The following SLC20A2 variants were observed in gnomAD, a reference collection of about 807,000 sequenced individuals.
SLC20A2 encodes sodium-dependent phosphate transporter 2.
SLC20A2 carries 30 observed loss-of-function variants against 61.0 expected under a neutral mutation model. The observed-to-expected ratio is 0.49, with a 90% CI of 0.37 to 0.67. The LOEUF (loss-of-function observed/expected upper bound fraction) is 0.67, where lower values mean the gene tolerates loss of function less well. Among genes scored for constraint, SLC20A2 ranks in the 30% least tolerant of loss-of-function variants. The pLI, the probability that SLC20A2 is intolerant of heterozygous loss-of-function variation, is 0.00. For missense variants in SLC20A2, 626 were observed against 866.4 expected (o/e 0.72, Z 3.48); for synonymous variants, 351 against 353.3 (o/e 0.99, Z 0.07).
chr8:42,483,466 T>A (rs1586170003), intron 1 of SLC20A2, among the ~76,000 whole-genome samples: 1 of 152,216 alleles, frequency 6.6e-6, no homozygotes, highest in South Asian at 2.1e-4. Flanking sequence ...CCACTGGAAA[T>A]GTGGACTCCC....
intron 1 of SLC20A2, among the ~76,000 whole-genome samples, chr8:42,526,348 G>A (rs1243458714): frequency 6.6e-6 from 1 of 151,242 alleles, no homozygotes; most frequent in African/African-American, 2.4e-5. Context: ...AAACTGTCAA[G>A]GTCATTTAAA....
chr8:42,426,423 C>T (rs375575967), intron 10 of SLC20A2, among the ~76,000 whole-genome samples: 207 of 152,246 alleles, frequency 1.4e-3, no homozygotes, highest in African/African-American at 4.6e-3. Flanking sequence ...AGGCCAGGCA[C>T]GGTGGCTCAC....
chr8:42,452,434 A>C (rs181063459), intron 5 of SLC20A2, among the ~76,000 whole-genome samples: 4 of 146,942 alleles, frequency 2.7e-5, no homozygotes, highest in African/African-American at 1.0e-4. Flanking sequence ...GAGGAGGAAG[A>C]GATGAAGAGG....
intron 5 of SLC20A2, among the ~76,000 whole-genome samples, chr8:42,452,083 AGAG>A (rs1266329537): frequency 1.6e-5 from 2 of 123,832 alleles, no homozygotes; most frequent in Non-Finnish European, 3.4e-5. Flanking sequence ...GAAGAGATGA[AGAG>A]GAGGAGGAAG....
At chr8:42,479,511 AAAG>A (rs1213803066) in intron 1 of SLC20A2, among the ~76,000 whole-genome samples, 4 of 152,090 alleles carry the variant, frequency 2.6e-5, no homozygotes, top group African/African-American at 4.8e-5. Flanking sequence ...AAAAAAAAAA[AAAG>A]TAGTTATCTT....
chr8:42,433,241 C>T (rs759265393), intron 8 of SLC20A2, among the ~76,000 whole-genome samples: 57 of 152,324 alleles, frequency 3.7e-4, no homozygotes, highest in African/African-American at 4.3e-4. Flanking sequence ...TGCCCCTCCC[C>T]GCAGCTAATG....
intron 3 of SLC20A2, among the ~76,000 whole-genome samples, chr8:42,464,083 C>T: frequency 1.7e-5 from 1 of 58,170 alleles, no homozygotes; most frequent in Non-Finnish European, 4.4e-5. Context: ...AAAGGGCAGG[C>T]TGGATGATCT....
At chr8:42,519,542 C>A (rs932071090) in intron 1 of SLC20A2, among the ~76,000 whole-genome samples, 1 of 151,976 alleles carries the variant, frequency 6.6e-6, no homozygotes, top group Non-Finnish European at 1.5e-5. Flanking sequence ...TTTAAAGCTA[C>A]CTAGATATTT....
chr8:42,426,462 G>A (rs1484670911), intron 10 of SLC20A2, among the ~76,000 whole-genome samples: 2 of 152,186 alleles, frequency 1.3e-5, no homozygotes, highest in African/African-American at 4.8e-5. Context: ...TTGGGAGGCT[G>A]AGGCAGGCAG....
At chr8:42,463,985 C>T (rs1806910801) in intron 3 of SLC20A2, among the ~76,000 whole-genome samples, 1 of 151,108 alleles carries the variant, frequency 6.6e-6, no homozygotes, top group African/African-American at 2.4e-5. Flanking sequence ...ACTTGTTAGA[C>T]ACCTGATAAT....
In SLC20A2 at chr8:42,489,891, G is replaced by A. The variant is rs149854300; in HGVS notation, c.-265+11140C>T. On this transcript the variant is annotated intron_variant, in intron 1 of 10. Coordinates refer to ENST00000520262, the MANE Select transcript of SLC20A2 (RefSeq NM_001257180.2). The stretch of plus-strand genomic sequence containing the variant: ...GCTCAAGAGTGGCCTTCGGGGAGCT[G>A]GAGTTATTCTGTATCCTGTTTGTGT... 2.4e-3 allele frequency among the ~76,000 whole-genome samples: 368 copies of A among 152,332 alleles called. 1 individual carries two copies. The highest frequency in any genetic ancestry group is 8.5e-3 in the African/African-American group (354 of 41,560).
intron 1 of SLC20A2, among the ~76,000 whole-genome samples, chr8:42,523,695 T>G (rs1398610815): frequency 6.6e-6 from 1 of 152,228 alleles, no homozygotes. Context: ...GAAGTCATCT[T>G]CTTAAAAACA....
intron 1 of SLC20A2, among the ~76,000 whole-genome samples, chr8:42,514,309 T>C (rs1811194978): frequency 6.6e-6 from 1 of 152,094 alleles, no homozygotes; most frequent in Non-Finnish European, 1.5e-5. Flanking sequence ...ATTAAAACAA[T>C]AGTTAACTGG....
chr8:42,537,566 G>A (rs1436985737), intron 1 of SLC20A2: 2 of 152,042 alleles, frequency 1.3e-5, no homozygotes, highest in Non-Finnish European at 2.9e-5. Context: ...TAAGTTTTTT[G>A]ATACTAAATT....
intron 3 of SLC20A2, among the ~76,000 whole-genome samples, chr8:42,464,739 G>A (rs1023247618): frequency 5.9e-5 from 9 of 152,104 alleles, no homozygotes; most frequent in African/African-American, 1.7e-4. Context: ...TTTGCAGCCC[G>A]AGGCAGGTGG....
At chr8:42,533,542 G>A (rs1201012189) in intron 1 of SLC20A2, among the ~76,000 whole-genome samples, 2 of 152,070 alleles carry the variant, frequency 1.3e-5, no homozygotes, top group African/African-American at 4.8e-5. Context: ...CTTGAGCCCA[G>A]GAGGTGGAGG....
rs545297899 is a variant in SLC20A2, at chr8:42,430,331, C to G, written c.1524-82G>C. On this transcript the variant is annotated intron_variant, in intron 8 of 10. Coordinates refer to ENST00000520262, the MANE Select transcript of SLC20A2 (RefSeq NM_001257180.2). ...ATACAGGTGACTTTGTTTTATTGTG[C>G]TTCACTTTATCACACTCCACAGATA... The G allele has an allele frequency of 2.5e-6, 3 of 1,181,794 alleles. No individual in the cohort carries two copies. The South Asian group carries it at 4.7e-5, about 18-fold the overall frequency. The allele number at this position is 1,181,794 out of a possible 1,614,324, so 73.2% of individuals were successfully genotyped here.
rs979348363 is a variant in SLC20A2 at position 42,521,485 on chromosome 8, G to A, written c.-265+20336C>T. On this transcript the variant is annotated intron_variant, in intron 1 of 10. Coordinates refer to the SLC20A2 transcript ENST00000342228. ...AGGGAAAGCCTTGGGGTGATGAATC[G>A]ATCCTGTATTTTTTTTCTTCTTGAG... Among the ~76,000 whole-genome samples the A allele has an allele frequency of 1.1e-4, 13 of 119,868 alleles. 4 individuals are homozygous for A. The highest frequency in any genetic ancestry group is 2.6e-4 in the Non-Finnish European group (13 of 49,830). 78.6% of individuals were successfully genotyped at this position (119,868 alleles called of 152,430 possible).
chr8:42,435,326 C>T (rs146698923), intron 8 of SLC20A2, among the ~76,000 whole-genome samples: 1,550 of 152,126 alleles, frequency 0.01, 25 homozygotes, highest in African/African-American at 0.035. Flanking sequence ...CGACAGAAGA[C>T]GACAACGGCA....
Sources: allele counts gnomAD v4.1 joint callset (sites outside exome capture counted in the v4.1 genomes callset), GRCh38; gene constraint gnomAD v4.1.1; transcripts MANE v1.5; gene names NCBI Gene and HGNC (gene_info 2026-07-23, HGNC 2026-07-21).